The following TENM4 variants were observed in gnomAD, a reference collection of about 807,000 sequenced individuals.
TENM4 encodes the protein teneurin-4.
TENM4 carries 82 observed loss-of-function variants against 243.3 expected under a neutral mutation model. That is an observed-to-expected ratio of 0.34 (90% CI 0.28 to 0.40). The LOEUF is 0.40. Ranked by LOEUF, TENM4 falls within the 10% of genes least tolerant of loss-of-function variation. TENM4 has a pLI of 1.00. For missense variants in TENM4, 3,138 were observed against 3,673.3 expected, an observed-to-expected ratio of 0.85 and a Z score of 3.77; for synonymous variants, 1,412 against 1,456.3, an observed-to-expected ratio of 0.97 and a Z score of 0.69.
intron 3 of TENM4, among the ~76,000 whole-genome samples, chr11:79,185,042 T>C (rs1052882024): frequency 6.6e-6 from 1 of 152,210 alleles, no homozygotes. Flanking sequence ...CTCATGCCTG[T>C]AATCCCAGCA....
chr11:78,689,971 GC>G lies in TENM4; in HGVS notation c.5088-1746del, dbSNP rs1167066967. Among the ~76,000 whole-genome samples, 7 of 152,200 alleles carry G rather than the reference GC, an allele frequency of 4.6e-5. No homozygotes were observed. The East Asian group carries it at 1.3e-3, about 29-fold the overall frequency. On this transcript the variant is annotated intron_variant, in intron 28 of 33. Transcript: ENST00000278550. ...TTTCAGGATGGCAGGCAGTGCTGTG[GC>G]CTCGAATACACTCCCTGGGCAGGGC...
intron 3 of TENM4, among the ~76,000 whole-genome samples, chr11:79,160,620 C>T (rs915523596): frequency 6.6e-6 from 1 of 152,104 alleles, no homozygotes; most frequent in Non-Finnish European, 1.5e-5. Flanking sequence ...TGGGTTACTA[C>T]AGTGACAGGT....
At chr11:79,176,753 T>C (rs538287897) in intron 3 of TENM4, among the ~76,000 whole-genome samples, 31 of 152,218 alleles carry the variant, frequency 2.0e-4, no homozygotes, top group Non-Finnish European at 3.2e-4. Context: ...ATATGTTATA[T>C]AGTGTATAGT....
Position 79,012,102 on chromosome 11 carries a change from T to C in TENM4, c.493+52636A>G, listed in dbSNP as rs148312600. ...AGGAGGAACAAATGCCCAAAGCACA[T>C]GTCTCCAGAAAAATGAGACCGGCTC... On this transcript the variant is annotated intron_variant, in intron 6 of 33. Coordinates refer to ENST00000278550, the MANE Select transcript of TENM4 (RefSeq NM_001098816.3). Among the ~76,000 whole-genome samples the C allele has an allele frequency of 1.8e-4, 28 of 152,242 alleles. No individual in the cohort carries two copies. In the East Asian group the frequency reaches 4.4e-3, roughly 24 times the overall value.
chr11:79,195,567 C>A (rs554938426), intron 3 of TENM4, among the ~76,000 whole-genome samples: 2 of 152,118 alleles, frequency 1.3e-5, no homozygotes, highest in African/African-American at 4.8e-5. Context: ...ATTTGACTGC[C>A]GCTGGATTTT....
chr11:79,254,379 G>A lies in TENM4; in HGVS notation c.-264-38470C>T, dbSNP rs181380548. Among the ~76,000 whole-genome samples the A allele has an allele frequency of 2.9e-3, 448 of 152,296 alleles. 5 individuals carry two copies. Among genetic ancestry groups the A allele is most frequent in the Non-Finnish European group, 4.2e-3 (285 of 68,018 alleles). On this transcript the variant is annotated intron_variant, in intron 2 of 33. Transcript: ENST00000278550. ...TAGTGAAACACCTCCTAGGTACGTT[G>A]TCAAAGGGAAAACCCAAGAACAGAG...
chr11:78,786,773 A>C (rs1856944115), intron 16 of TENM4, 125 bp downstream of exon 16: 1 of 1,344,990 alleles, frequency 7.4e-7, no homozygotes, highest in South Asian at 1.4e-5. Flanking sequence ...TAATACCTCC[A>C]GATGAAAGGA....
intron 1 of TENM4, among the ~76,000 whole-genome samples, chr11:79,384,077 ACAGGCACACATGC>A (rs1432788562): frequency 2.0e-5 from 3 of 152,156 alleles, no homozygotes; most frequent in African/African-American, 7.2e-5. Flanking sequence ...AGCCAGACAG[ACAGGCACACATGC>A]CAGCCTGATG....
At chr11:79,300,539 C>T (rs375816256) in intron 1 of TENM4, among the ~76,000 whole-genome samples, 4 of 152,280 alleles carry the variant, frequency 2.6e-5, no homozygotes, top group South Asian at 4.2e-4. Flanking sequence ...GCTCCTCACC[C>T]GAGTGTATCA....
chr11:79,326,150 T>C (rs1856972137), intron 1 of TENM4, among the ~76,000 whole-genome samples: 2 of 152,182 alleles, frequency 1.3e-5, no homozygotes, highest in South Asian at 4.1e-4. Context: ...CCCACCTCTC[T>C]GAAGTAGAAC....
At position 79,031,846 on chromosome 11, in the gene TENM4, A is replaced by G. The variant is rs537739767; in HGVS notation, c.493+32892T>C. On this transcript the variant is annotated intron_variant, in intron 6 of 33. Transcript: ENST00000278550. ...TTGCTATCCAGGGGGTCATAGAGCAATGTTTGGAGACATTTTGGACTGCCA... is the reference window on the plus strand; with the variant it reads ...TTGCTATCCAGGGGGTCATAGAGCAGTGTTTGGAGACATTTTGGACTGCCA... Among the ~76,000 whole-genome samples the G allele has an allele frequency of 7.9e-5, 12 of 152,290 alleles. No homozygotes were observed. In the South Asian group the frequency reaches 2.5e-3, roughly 32 times the overall value.
At chr11:79,093,603 C>T (rs550380700) in intron 4 of TENM4, 3 of 152,366 alleles carry the variant, frequency 2.0e-5, no homozygotes, top group Non-Finnish European at 2.9e-5. Flanking sequence ...TGTGGGAAGT[C>T]CTTGGGGCAA....
At chr11:78,842,079 A>T (rs1450881212) in intron 12 of TENM4, among the ~76,000 whole-genome samples, 1 of 152,092 alleles carries the variant, frequency 6.6e-6, no homozygotes, top group Non-Finnish European at 1.5e-5. Flanking sequence ...CCACCAGGTA[A>T]CTGTCTCAAA....
chr11:78,890,269 G>A (rs1184917306), intron 8 of TENM4, among the ~76,000 whole-genome samples: 1 of 152,166 alleles, frequency 6.6e-6, no homozygotes, highest in African/African-American at 2.4e-5. Flanking sequence ...ACCCACCCAC[G>A]GCAAGGCAGA....
Position 78,736,506 on chromosome 11 carries a change from G to C in TENM4, c.2876+1945C>G, listed in dbSNP as rs115763711. Among the ~76,000 whole-genome samples the C allele has an allele frequency of 4.8e-3, 728 of 152,018 alleles. 4 individuals are homozygous for C. The highest frequency in any genetic ancestry group is 0.017 in the African/African-American group (687 of 41,362). On this transcript the variant is annotated intron_variant, in intron 20 of 33. Coordinates refer to ENST00000278550, the MANE Select transcript of TENM4 (RefSeq NM_001098816.3). ...CGCGCGCGTGCATGTGAGTAGGGGT[G>C]GGGGAGCTGGATGAGGGCAAGTATC...
At chr11:79,175,485 C>T (rs1565236155) in intron 3 of TENM4, among the ~76,000 whole-genome samples, 2 of 152,068 alleles carry the variant, frequency 1.3e-5, no homozygotes, top group Admixed American at 6.6e-5. Context: ...TCTGGCATTC[C>T]ACAGGACGCA....
At chr11:79,167,176 A>G (rs1862933365) in intron 3 of TENM4, among the ~76,000 whole-genome samples, 2 of 152,218 alleles carry the variant, frequency 1.3e-5, no homozygotes, top group African/African-American at 4.8e-5. Context: ...GAACTCTTCC[A>G]TACTTAGCAT....
At chr11:78,909,035 A>G (rs1170673490) in intron 6 of TENM4, among the ~76,000 whole-genome samples, 2 of 152,218 alleles carry the variant, frequency 1.3e-5, no homozygotes, top group African/African-American at 4.8e-5. Context: ...ATTCACCTCT[A>G]TGAGCCTCTA....
At chr11:79,045,835 T>C (rs565332794) in intron 6 of TENM4, among the ~76,000 whole-genome samples, 16 of 152,242 alleles carry the variant, frequency 1.1e-4, no homozygotes, top group African/African-American at 3.9e-4. Context: ...AACAGGTATT[T>C]GGCAGAAATC....
Sources: allele counts gnomAD v4.1 joint callset (sites outside exome capture counted in the v4.1 genomes callset), GRCh38; gene constraint gnomAD v4.1.1; transcripts MANE v1.5; gene names NCBI Gene and HGNC (gene_info 2026-07-23, HGNC 2026-07-21).